PTPRB: variants seen among roughly 807,000 people sequenced by gnomAD.
PTPRB encodes protein tyrosine phosphatase receptor type B, also known as receptor-type tyrosine-protein phosphatase beta.
PTPRB carries 97 observed loss-of-function variants against 238.1 expected under a neutral mutation model. The observed-to-expected ratio is 0.41, with a 90% CI of 0.35 to 0.48. The LOEUF is 0.48. Among genes scored for constraint, PTPRB ranks in the 20% least tolerant of loss-of-function variants. The pLI is 0.30. For synonymous variants in PTPRB, 970 were observed against 995.4 expected, an observed-to-expected ratio of 0.97 and a Z score of 0.48; for missense variants, 2,292 against 2,681.9, an observed-to-expected ratio of 0.85 and a Z score of 3.21.
rs1566023287 is a variant in PTPRB, at chr12:70,626,357, A to G, written c.452-3711T>C. Among the ~76,000 whole-genome samples, 11 of 131,482 alleles carry G rather than the reference A, an allele frequency of 8.4e-5. No individual in the cohort carries two copies. In the South Asian group the frequency reaches 9.4e-4, roughly 11 times the overall value. The allele number at this position is 131,482 out of a possible 152,430, so 86.3% of individuals were successfully genotyped here. A position where few individuals can be genotyped will look rare whatever the true frequency, so the allele number is the denominator to read the frequency against. ...TATCTATCTATCTATCTATCTATCT[A>G]TCTATCTATATTCCTGCCTGCCTGC... On this transcript the variant is annotated intron_variant, in intron 2 of 33. Transcript: ENST00000334414.
intron 3 of PTPRB, among the ~76,000 whole-genome samples, chr12:70,618,951 C>T (rs1884796455): frequency 1.3e-5 from 2 of 152,034 alleles, no homozygotes; most frequent in African/African-American, 4.8e-5. Context: ...AAGTCAGACC[C>T]CTCACACTGG....
chr12:70,582,307 A>G (rs540893749), intron 9 of PTPRB, among the ~76,000 whole-genome samples: 281 of 152,268 alleles, frequency 1.8e-3, no homozygotes, highest in African/African-American at 6.6e-3. Flanking sequence ...ATCAGATTCA[A>G]TTCTAAAGAT....
In PTPRB at chr12:70,592,588, C is replaced by G; in HGVS notation, c.1517-43G>C. 15 of 1,576,382 alleles carry G rather than the reference C, an allele frequency of 9.5e-6. 1 individual carries two copies. The highest frequency in any genetic ancestry group is 1.3e-5 in the Non-Finnish European group (15 of 1,162,872). ...GAAAGGAGACTTTTACTCAGGATCT[C>G]TCACAAGTCCTATGGCCAAATTTTG... On this transcript the variant is annotated intron_variant, in intron 6 of 33. Transcript: ENST00000334414.
chr12:70,549,546 C>CTGAGAA (rs1460671942), intron 21 of PTPRB, among the ~76,000 whole-genome samples: 1 of 152,204 alleles, frequency 6.6e-6, no homozygotes, highest in Non-Finnish European at 1.5e-5. Context: ...CTAAACCTAG[C>CTGAGAA]ATTTCCCATT....
intron 10 of PTPRB, among the ~76,000 whole-genome samples, chr12:70,579,071 A>AC (rs1881092097): frequency 6.6e-6 from 1 of 152,176 alleles, no homozygotes; most frequent in Non-Finnish European, 1.5e-5. Context: ...ATGAACACCC[A>AC]CATTATACAG....
rs541584150 is a variant in PTPRB at position 70,596,187 on chromosome 12, C to T, written c.1120G>A (p.Gly374Arg). Residue 374 changes from glycine to arginine, a missense_variant, in exon 5 of 34, where the codon GGG (glycine) becomes AGG (arginine). Physicochemically the swap from Gly to Arg is moderately radical, Grantham distance 125. Around this residue, in one of 4 missense-constraint regions of PTPRB, gnomAD observed 1,205 missense variants for 1,287.8 expected, o/e 0.94. Coordinates refer to ENST00000334414, the MANE Select transcript of PTPRB (RefSeq NM_001109754.4). ...LFDENNQKIQ[G>R]VQIQESTSWN... ...GAAGTACTTTCTTGAATTTGAACCC[C>T]CTGTATCTTTTGGTTATTTTCATCA... is the stretch of plus-strand genomic sequence containing the variant. The T allele has an allele frequency of 2.5e-6, 4 of 1,613,394 alleles. No individual in the cohort carries two copies. Among genetic ancestry groups the T allele is most frequent in the East Asian group, 4.5e-5 (2 of 44,842 alleles).
rs758474846 is a variant in PTPRB at position 70,571,135 on chromosome 12, G to A, written c.3261C>T (p.Thr1087=). ...GGGAAGTAAATCGATACTCGGTTGCGGTATTTACAAGGTGAAAAGGAGGAA... is the reference window on the plus strand; with the variant it reads ...GGGAAGTAAATCGATACTCGGTTGCAGTATTTACAAGGTGAAAAGGAGGAA... ...KVFPPFHLVN[T]ATEYRFTSLT... The change falls in exon 13 of 34, where the codon ACC becomes ACT. Residue 1087 remains threonine (T), a synonymous_variant. Coordinates refer to ENST00000334414, the MANE Select transcript of PTPRB (RefSeq NM_001109754.4). 3.5e-5 allele frequency: 56 copies of A among 1,613,788 alleles called. No individual in the cohort carries two copies. The highest frequency in any genetic ancestry group is 5.0e-5 in the Admixed American group (3 of 59,992).
chr12:70,625,821 C>T (rs775677757), intron 2 of PTPRB, among the ~76,000 whole-genome samples: 47 of 152,188 alleles, frequency 3.1e-4, no homozygotes, highest in Middle Eastern at 6.8e-3. Context: ...CACAATTTCT[C>T]CCAGAACACA....
At chr12:70,627,737 A>G (rs1013830733) in intron 2 of PTPRB, among the ~76,000 whole-genome samples, 1 of 152,152 alleles carries the variant, frequency 6.6e-6, no homozygotes, top group African/African-American at 2.4e-5. Context: ...TTCAGACATT[A>G]TATTTAAAAA....
intron 16 of PTPRB, among the ~76,000 whole-genome samples, chr12:70,562,327 T>C (rs1287756121): frequency 6.6e-6 from 1 of 151,976 alleles, no homozygotes; most frequent in Non-Finnish European, 1.5e-5. Flanking sequence ...AGGACTCAAA[T>C]TATGGGAAAA....
At chr12:70,626,776 T>C (rs775692022) in intron 2 of PTPRB, among the ~76,000 whole-genome samples, 5 of 151,880 alleles carry the variant, frequency 3.3e-5, no homozygotes, top group Non-Finnish European at 5.9e-5. Context: ...CACACACACA[T>C]ACACACGTGT....
chr12:70,580,723 G>A (rs955365716), intron 10 of PTPRB, among the ~76,000 whole-genome samples: 2 of 152,048 alleles, frequency 1.3e-5, no homozygotes, highest in African/African-American at 4.8e-5. Context: ...GGAGACTGAG[G>A]CAGGAGAATT....
chr12:70,545,394 A>G (rs1387343689), intron 21 of PTPRB, among the ~76,000 whole-genome samples: 2 of 152,244 alleles, frequency 1.3e-5, no homozygotes, highest in Non-Finnish European at 2.9e-5. Flanking sequence ...CATTTTATCT[A>G]AAAATATTCT....
In PTPRB at chr12:70,519,227, T is replaced by C. The variant is rs193148771; in HGVS notation, c.*2262A>G. 2.0e-5 allele frequency: 3 copies of C among 152,288 alleles called. No homozygotes were observed. The East Asian group carries it at 5.8e-4, about 29-fold the overall frequency. The allele number at this position is 152,288 out of a possible 1,614,324, so 9.4% of individuals were successfully genotyped here. A position where few individuals can be genotyped will look rare whatever the true frequency, so the allele number is the denominator to read the frequency against. On this transcript the variant is annotated 3_prime_UTR_variant, in exon 34 of 34. Coordinates refer to ENST00000334414, the MANE Select transcript of PTPRB (RefSeq NM_001109754.4). ...CAGAGTACGTGAGTGTTATTTACTA[T>C]TACAGATGCATAGGTTTTTTTTATG...
intron 22 of PTPRB, 169 bp from the exon 23 acceptor site, chr12:70,541,126 A>T (rs1875031143): frequency 1.7e-6 from 1 of 598,378 alleles, no homozygotes. Context: ...TATGCACCTA[A>T]GAAGATGATG....
At chr12:70,588,826 G>T (rs1196861340) in intron 8 of PTPRB, among the ~76,000 whole-genome samples, 2 of 151,818 alleles carry the variant, frequency 1.3e-5, no homozygotes, top group Non-Finnish European at 1.5e-5. Context: ...GGTGGCACAC[G>T]CCTGTAATCC....
chr12:70,521,498 T>C lies in PTPRB; in HGVS notation c.6639A>G (p.Ser2213=). 6.5e-7 allele frequency: 1 copy of C among 1,546,204 alleles called. No homozygotes were observed. Among genetic ancestry groups the C allele is most frequent in the Non-Finnish European group, 8.7e-7 (1 of 1,145,750 alleles). Residue 2213 remains serine (S), a synonymous_variant, in exon 34 of 34, where the codon TCA becomes TCG. Coordinates refer to ENST00000334414, the MANE Select transcript of PTPRB (RefSeq NM_001109754.4). ...NPEYHRDPVY[S]RH Reference sequence around the variant, plus strand: ...CTCTTCAGGTACATTCTCAATGCCTTGAATAGACTGGATCTGAAAGGAAGA... The same window carrying C: ...CTCTTCAGGTACATTCTCAATGCCTCGAATAGACTGGATCTGAAAGGAAGA...
chr12:70,570,912 C>T, intron 13 of PTPRB, 114 bp downstream of exon 13: 1 of 1,156,498 alleles, frequency 8.6e-7, no homozygotes, highest in Non-Finnish European at 1.2e-6. Context: ...GACTTTGTCC[C>T]TTCTTGCTGT....
At position 70,637,389 on chromosome 12, in the gene PTPRB, C is replaced by T. The variant is rs1378338926; in HGVS notation, c.7G>A (p.Ala3Thr). 18 of 1,607,646 alleles carry T rather than the reference C, an allele frequency of 1.1e-5. No homozygotes were observed. Among genetic ancestry groups the T allele is most frequent in the East Asian group, 2.2e-5 (1 of 44,692 alleles). Residue 3 changes from alanine (A) to threonine (T), a missense_variant, in exon 1 of 34, where the codon GCT becomes ACT. Physicochemically the swap from Ala to Thr is moderately conservative, Grantham distance 58. This residue lies in a region of PTPRB where 1,205 missense variants were observed against 1,287.8 expected (regional missense o/e 0.94). Transcript: ENST00000334414. ME[A>T]EFYMVILTCL... Reference sequence around the variant, plus strand: ...GTAAGAATCACCATGTAAAATTCAGCCTCCATTTTCCACTTAGCAACTGTT... The same window carrying T: ...GTAAGAATCACCATGTAAAATTCAGTCTCCATTTTCCACTTAGCAACTGTT...
Sources: gnomAD v4.1 joint callset for allele counts (sites outside exome capture counted in the v4.1 genomes callset) on GRCh38, gnomAD v4.1.1 for gene constraint, gnomAD v4.1.1 regional missense constraint, MANE v1.5 for transcripts, NCBI Gene and HGNC (gene_info 2026-07-23, HGNC 2026-07-21) for gene names.